Variants in ERP44 observed in about 807,000 individuals in gnomAD.
The protein encoded by ERP44 is endoplasmic reticulum resident protein 44.
In ERP44, 25 loss-of-function variants were observed where a neutral mutation model predicts 53.4. The ratio of observed to expected loss-of-function variants is 0.47; its 90% CI spans 0.34 to 0.65. The LOEUF is 0.65. Ranked by LOEUF, ERP44 falls within the 30% of genes least tolerant of loss-of-function variation. ERP44 has a pLI of 0.01. For synonymous variants in ERP44, 145 were observed against 161.2 expected, an observed-to-expected ratio of 0.90 and a Z score of 0.76; for missense variants, 338 against 493.2, an observed-to-expected ratio of 0.69 and a Z score of 2.98.
At chr9:100,065,848 TTC>T (rs1350703040) in intron 1 of ERP44, among the ~76,000 whole-genome samples, 1 of 152,252 alleles carries the variant, frequency 6.6e-6, no homozygotes, top group Non-Finnish European at 1.5e-5. Flanking sequence ...AGATTTCTAA[TTC>T]ATAGACGCAT....
chr9:100,056,470 G>A (rs1587976569), intron 3 of ERP44, among the ~76,000 whole-genome samples: 1 of 152,090 alleles, frequency 6.6e-6, no homozygotes, highest in Non-Finnish European at 1.5e-5. Context: ...ATAAAACTAT[G>A]GTATGTATTC....
At chr9:100,070,331 T>C (rs1173705134) in intron 1 of ERP44, among the ~76,000 whole-genome samples, 1 of 152,196 alleles carries the variant, frequency 6.6e-6, no homozygotes, top group Non-Finnish European at 1.5e-5. Flanking sequence ...TTGTACATGG[T>C]TACATTAATC....
chr9:100,040,571 G>GA (rs1396999171), intron 4 of ERP44, among the ~76,000 whole-genome samples: 6 of 152,086 alleles, frequency 3.9e-5, no homozygotes, highest in Admixed American at 6.5e-5. Flanking sequence ...ACTGAATGGG[G>GA]AAAAACTGAA....
chr9:100,024,140 T>G (rs930635129), intron 4 of ERP44, among the ~76,000 whole-genome samples: 2 of 147,416 alleles, frequency 1.4e-5, no homozygotes, highest in African/African-American at 2.6e-5. Flanking sequence ...GGTGACAGAG[T>G]GAAACCCTGA....
At position 100,052,417 on chromosome 9, in the gene ERP44, A is replaced by G. The variant is rs767398129; in HGVS notation, c.286T>C (p.Ser96Pro). ...CTAGACTTCCTATTGAGGTACTTAC[A>G]GTGCTGATCACAATCAACTCTGGCA... ...VFARVDCDQH[S>P]DIAQRYRISK... is the part of the protein sequence containing the mutation. Residue 96 changes from serine to proline, a missense_variant and splice_region_variant, in exon 4 of 12, where the codon TCT becomes CCT. Physicochemically the swap from Ser to Pro is moderately conservative, Grantham distance 74. Around this residue, in one of 3 missense-constraint regions of ERP44, gnomAD observed 224 missense variants for 301.4 expected, o/e 0.74. Transcript: ENST00000262455. The G allele has an allele frequency of 3.3e-5, 52 of 1,581,568 alleles. No homozygotes were observed. The highest frequency in any genetic ancestry group is 4.3e-5 in the Non-Finnish European group (49 of 1,152,540).
At chr9:100,095,973 A>G (rs532304534) in intron 1 of ERP44, among the ~76,000 whole-genome samples, 65 of 152,312 alleles carry the variant, frequency 4.3e-4, no homozygotes, top group African/African-American at 1.4e-3. Context: ...ACTTTTCTTG[A>G]CTACCTATAC....
chr9:100,067,654 C>A (rs1186091399), intron 1 of ERP44, among the ~76,000 whole-genome samples: 2 of 151,910 alleles, frequency 1.3e-5, no homozygotes, highest in South Asian at 2.1e-4. Flanking sequence ...GGCCGCCCAT[C>A]GTCTGGGAGT....
chr9:99,985,982 A>G (rs1830193124), intron 10 of ERP44, among the ~76,000 whole-genome samples: 1 of 152,184 alleles, frequency 6.6e-6, no homozygotes, highest in Non-Finnish European at 1.5e-5. Flanking sequence ...ACACAACTTC[A>G]CTTTCTATGG....
At chr9:100,022,665 C>T (rs2118657071) in intron 4 of ERP44, among the ~76,000 whole-genome samples, 1 of 152,180 alleles carries the variant, frequency 6.6e-6, no homozygotes, top group South Asian at 2.1e-4. Context: ...AGCATATAAG[C>T]TGGGGAGGGG....
Position 99,997,111 on chromosome 9 carries a change from G to A in ERP44, c.1016+9395C>T, listed in dbSNP as rs184202407. Among the ~76,000 whole-genome samples the A allele has an allele frequency of 5.3e-5, 8 of 152,172 alleles. No homozygotes were observed. In the East Asian group the frequency reaches 1.4e-3, roughly 26 times the overall value. ...GTGAATTGTGCTGCTATAAACATGC[G>A]TGCGAAGTATCTTTTTCATATAATG... On this transcript the variant is annotated intron_variant, in intron 10 of 11. Transcript: ENST00000262455.
intron 10 of ERP44, among the ~76,000 whole-genome samples, chr9:99,990,492 C>T (rs189143597): frequency 8.9e-4 from 135 of 152,274 alleles, no homozygotes; most frequent in African/African-American, 3.0e-3. Context: ...CCAGGCCTGC[C>T]TTACAAGAGC....
chr9:99,998,507 CT>C, intron 10 of ERP44: 1 of 715,864 alleles, frequency 1.4e-6, no homozygotes, highest in South Asian at 1.5e-5. Context: ...CGGAGCCCCG[CT>C]GTCCCGGCTC....
intron 10 of ERP44, among the ~76,000 whole-genome samples, chr9:99,996,923 G>GTA (rs968925839): frequency 1.6e-4 from 3 of 19,194 alleles, no homozygotes; most frequent in Non-Finnish European, 2.3e-4. Flanking sequence ...ATATATATAT[G>GTA]TATATATATA....
At chr9:100,016,975 T>C (rs549303434) in intron 7 of ERP44, among the ~76,000 whole-genome samples, 25 of 152,226 alleles carry the variant, frequency 1.6e-4, no homozygotes, top group Non-Finnish European at 8.8e-5. Flanking sequence ...AATGAATTAA[T>C]TTAGCTATTC....
chr9:100,095,980 A>G (rs903624243), intron 1 of ERP44, among the ~76,000 whole-genome samples: 17 of 152,198 alleles, frequency 1.1e-4, no homozygotes, highest in Non-Finnish European at 2.2e-4. Flanking sequence ...TTGACTACCT[A>G]TACATATTGA....
chr9:100,073,311 A>G (rs1187668704), intron 1 of ERP44, among the ~76,000 whole-genome samples: 2 of 152,208 alleles, frequency 1.3e-5, no homozygotes, highest in South Asian at 4.1e-4. Flanking sequence ...TTTCTTCTGA[A>G]TATGAACTCT....
chr9:100,006,750 C>T, intron 9 of ERP44, 103 bp from the exon 10 acceptor site: 1 of 749,296 alleles, frequency 1.3e-6, no homozygotes, highest in South Asian at 1.9e-5. Context: ...AAAAAGCACC[C>T]AACATTCTTA....
intron 1 of ERP44, among the ~76,000 whole-genome samples, chr9:100,071,464 C>T (rs1826303378): frequency 6.6e-6 from 1 of 152,086 alleles, no homozygotes; most frequent in Non-Finnish European, 1.5e-5. Flanking sequence ...ACTTATTTTC[C>T]ACAGTCACTT....
chr9:100,038,383 A>C (rs1246017691), intron 4 of ERP44, among the ~76,000 whole-genome samples: 1 of 152,192 alleles, frequency 6.6e-6, no homozygotes, highest in Non-Finnish European at 1.5e-5. Flanking sequence ...TACAGTTTTT[A>C]TTAGTTCTCT....
Sources: allele counts gnomAD v4.1 joint callset (sites outside exome capture counted in the v4.1 genomes callset), GRCh38; gene constraint gnomAD v4.1.1; regional missense constraint gnomAD v4.1.1; transcripts MANE v1.5; gene names NCBI Gene and HGNC (gene_info 2026-07-23, HGNC 2026-07-21).